Variants in NBAS observed in about 807,000 individuals in gnomAD.
The protein encoded by NBAS is NAG/BC035112 fusion.
In NBAS, 219 loss-of-function variants were observed where a neutral mutation model predicts 302.5. The ratio of observed to expected loss-of-function variants is 0.72; its 90% CI spans 0.65 to 0.81. The LOEUF (loss-of-function observed/expected upper bound fraction) is 0.81, where lower values mean the gene tolerates loss of function less well. NBAS is among the 30% of genes least tolerant of loss of function. The pLI, the probability that NBAS is intolerant of heterozygous loss-of-function variation, is 0.00. For missense variants in NBAS, 2,932 were observed against 2,841.6 expected (o/e 1.03, Z -0.72); for synonymous variants, 1,118 against 1,021.6 (o/e 1.09, Z -1.80).
At chr2:15,478,055 C>G (rs1680265236) in intron 13 of NBAS, among the ~76,000 whole-genome samples, 171 bp downstream of exon 13, 1 of 150,774 alleles carries the variant, frequency 6.6e-6, no homozygotes, top group Non-Finnish European at 1.5e-5. Flanking sequence ...TTTAGGAAAG[C>G]CTGACCATCA....
the NBAS span, among the ~76,000 whole-genome samples, chr2:15,119,005 A>G: frequency 6.6e-6 from 1 of 152,216 alleles, no homozygotes; most frequent in African/African-American, 2.4e-5. Context: ...GTCCAGAATA[A>G]CAAACAGACA....
intron 10 of NBAS, among the ~76,000 whole-genome samples, chr2:15,508,934 C>A (rs770475340): frequency 6.6e-6 from 1 of 151,992 alleles, no homozygotes; most frequent in Non-Finnish European, 1.5e-5. Flanking sequence ...ACCCGGGAGA[C>A]GGTGGTTGCA....
intron 48 of NBAS, among the ~76,000 whole-genome samples, chr2:15,217,958 G>C (rs1400877553): frequency 6.6e-6 from 1 of 152,150 alleles, no homozygotes; most frequent in Non-Finnish European, 1.5e-5. Context: ...AGCTTGCAAT[G>C]GTTAGAGAAG....
the NBAS span, among the ~76,000 whole-genome samples, chr2:15,122,484 G>A: frequency 2.6e-5 from 4 of 152,134 alleles, no homozygotes; most frequent in Admixed American, 2.6e-4. Context: ...TTGGTGCTTC[G>A]TTCATGAGGG....
At chr2:15,443,418 C>T (rs1234458344) in intron 21 of NBAS, among the ~76,000 whole-genome samples, 8 of 152,086 alleles carry the variant, frequency 5.3e-5, no homozygotes, top group South Asian at 2.1e-4. Context: ...ATTGTCTCAA[C>T]AGATGCAGAA....
chr2:15,445,126 A>G (rs1269256227), intron 21 of NBAS, among the ~76,000 whole-genome samples: 1 of 151,616 alleles, frequency 6.6e-6, no homozygotes, highest in Non-Finnish European at 1.5e-5. Context: ...AACTAGAAAT[A>G]CCATTTGACC....
chr2:14,882,079 A>C, the NBAS span, among the ~76,000 whole-genome samples: 1 of 152,184 alleles, frequency 6.6e-6, no homozygotes. Context: ...TACTCTCTCC[A>C]TTACCCTAGC....
At chr2:15,292,433 A>G (rs1670347183) in intron 41 of NBAS, 104 bp downstream of exon 41, 1 of 1,218,512 alleles carries the variant, frequency 8.2e-7, no homozygotes, top group South Asian at 1.3e-5. Context: ...CATAGCAACC[A>G]TGAATGTAAA....
chr2:15,134,640 T>C, the NBAS span, among the ~76,000 whole-genome samples: 1 of 152,206 alleles, frequency 6.6e-6, no homozygotes, highest in African/African-American at 2.4e-5. Flanking sequence ...ATGCAACTTG[T>C]TACCTGTTGG....
chr2:15,340,252 G>A (rs140131143), intron 35 of NBAS, among the ~76,000 whole-genome samples: 22 of 152,286 alleles, frequency 1.4e-4, no homozygotes, highest in Admixed American at 3.9e-4. Flanking sequence ...TCTGACCTGG[G>A]TGGTAGCAGT....
intron 49 of NBAS, among the ~76,000 whole-genome samples, chr2:15,188,062 T>C (rs1039814676): frequency 6.6e-6 from 1 of 152,222 alleles, no homozygotes. Context: ...TTTTTCTCAT[T>C]GTAGGAGAAA....
the NBAS span, among the ~76,000 whole-genome samples, chr2:14,814,179 T>G: frequency 6.6e-6 from 1 of 152,122 alleles, no homozygotes; most frequent in African/African-American, 2.4e-5. Context: ...ACCAGATCAG[T>G]GTGGAGGGAA....
At chr2:15,308,808 G>C (rs1671145765) in intron 39 of NBAS, among the ~76,000 whole-genome samples, 1 of 152,118 alleles carries the variant, frequency 6.6e-6, no homozygotes, top group African/African-American at 2.4e-5. Context: ...GTCATAGATA[G>C]CTCTTATTAT....
chr2:15,099,730 A>T, the NBAS span, among the ~76,000 whole-genome samples: 3 of 152,260 alleles, frequency 2.0e-5, no homozygotes, highest in Admixed American at 1.3e-4. Flanking sequence ...TTGACCACCG[A>T]GTCCATAGAC....
chr2:15,331,285 G>A (rs964740117), intron 35 of NBAS, among the ~76,000 whole-genome samples: 6 of 152,160 alleles, frequency 3.9e-5, no homozygotes, highest in African/African-American at 1.2e-4. Context: ...GGTTTATAAT[G>A]TGTACGGTAC....
chr2:15,551,798 T>C (rs935076183), intron 5 of NBAS, among the ~76,000 whole-genome samples: 2 of 152,348 alleles, frequency 1.3e-5, no homozygotes, highest in South Asian at 4.1e-4. Context: ...TTTACCGTGG[T>C]CTTTTCATAC....
At chr2:15,391,541 G>C (rs146229851) in intron 28 of NBAS, among the ~76,000 whole-genome samples, 1 of 152,198 alleles carries the variant, frequency 6.6e-6, no homozygotes, top group African/African-American at 2.4e-5. Context: ...ACACAGTATT[G>C]ATGAGCCATG....
chr2:15,424,804 C>T (rs1003497214), intron 22 of NBAS, among the ~76,000 whole-genome samples: 2 of 152,174 alleles, frequency 1.3e-5, no homozygotes, highest in African/African-American at 2.4e-5. Context: ...TGGGTGCTTA[C>T]CGCAGGCCCA....
chr2:15,548,695 G>A (rs1664233582), intron 6 of NBAS, among the ~76,000 whole-genome samples: 1 of 151,596 alleles, frequency 6.6e-6, no homozygotes, highest in African/African-American at 2.4e-5. Flanking sequence ...CTAAGTAAGT[G>A]CTGTGATATA....
Sources: gnomAD v4.1 joint callset for allele counts (sites outside exome capture counted in the v4.1 genomes callset) on GRCh38, gnomAD v4.1.1 for gene constraint, MANE v1.5 for transcripts, NCBI Gene and HGNC (gene_info 2026-07-23, HGNC 2026-07-21) for gene names.